The following COL4A3 variants were observed in gnomAD, a reference collection of about 807,000 sequenced individuals.
The protein encoded by COL4A3 is collagen type IV alpha 3 chain.
In COL4A3, 135 loss-of-function variants were observed where a neutral mutation model predicts 217.4. The ratio of observed to expected loss-of-function variants is 0.62; its 90% CI spans 0.54 to 0.72. The LOEUF (loss-of-function observed/expected upper bound fraction) is 0.72, where lower values mean the gene tolerates loss of function less well. COL4A3 is among the 30% of genes least tolerant of loss of function. The probability of loss-of-function intolerance (pLI) is 0.00; values close to 1 mark genes in which losing one functional copy is unlikely to be tolerated. For missense variants in COL4A3, 1,868 were observed against 2,119.9 expected, an observed-to-expected ratio of 0.88 and a Z score of 2.33; for synonymous variants, 690 against 736.3, an observed-to-expected ratio of 0.94 and a Z score of 1.02.
intron 44 of COL4A3, 144 bp downstream of exon 44, chr2:227,303,254 T>C: frequency 1.4e-6 from 1 of 698,924 alleles, no homozygotes; most frequent in East Asian, 2.7e-5. Context: ...AAGGCTCCAC[T>C]ACACTATTTC....
intron 41 of COL4A3, chr2:227,296,667 T>C: frequency 8.4e-6 from 2 of 239,004 alleles, no homozygotes; most frequent in Non-Finnish European, 1.4e-5. Flanking sequence ...AAATACAGTA[T>C]TACAAAGCTT....
Position 227,282,155 on chromosome 2 carries a change from C to T in COL4A3, c.2489-210C>T, listed in dbSNP as rs937613874. Among the ~76,000 whole-genome samples, 1 of 151,792 alleles carries T rather than the reference C, an allele frequency of 6.6e-6. No homozygotes were observed. Among genetic ancestry groups the T allele is most frequent in the Non-Finnish European group, 1.5e-5 (1 of 67,972 alleles). On this transcript the variant is annotated intron_variant, in intron 31 of 51. Transcript: ENST00000396578. The surrounding 1 kb of genome is among the most constrained non-coding windows in gnomAD (Gnocchi z 4.4). ...TGCATTATGGTGCACGCCTGTAGTC[C>T]CAGCTATTTGGGAGGCTGACGCAGG... is the stretch of plus-strand genomic sequence containing the variant.
Position 227,309,206 on chromosome 2 carries a change from G to A in COL4A3, c.4643G>A (p.Cys1548Tyr), listed in dbSNP as rs745466617. ...GRALEPYISR[C>Y]TVCEGPAIAI... ...ATAGTCTTTGTTTCATGTTACAGATGCACTGTTTGTGAAGGTCCTGCGATC... is the reference window on the plus strand; with the variant it reads ...ATAGTCTTTGTTTCATGTTACAGATACACTGTTTGTGAAGGTCCTGCGATC... The change falls in exon 50 of 52, where the codon TGC becomes TAC. Residue 1548 changes from cysteine to tyrosine, a missense_variant and splice_region_variant. Transcript: ENST00000396578. The A allele has an allele frequency of 2.5e-6, 4 of 1,614,100 alleles. No individual in the cohort carries two copies. In the Admixed American group the frequency reaches 6.7e-5, roughly 27 times the overall value.
Position 227,277,334 on chromosome 2 carries a change from A to C in COL4A3, c.2021-115A>C, listed in dbSNP as rs1246166688. On this transcript the variant is annotated intron_variant, in intron 27 of 51. Coordinates refer to ENST00000396578, the MANE Select transcript of COL4A3 (RefSeq NM_000091.5). ...ACTCCATCAACAGGAAAAAAAAAAA[A>C]AAAAAACAATGTGCAAAAGGGATAG... The C allele has an allele frequency of 6.8e-6, 5 of 737,800 alleles. No individual in the cohort carries two copies. In the East Asian group the frequency reaches 1.4e-4, roughly 20 times the overall value. The allele number at this position is 737,800 out of a possible 1,614,324, so 45.7% of individuals were successfully genotyped here.
chr2:227,210,352 A>T (rs969279911), intron 1 of COL4A3, among the ~76,000 whole-genome samples: 3 of 152,216 alleles, frequency 2.0e-5, no homozygotes, highest in African/African-American at 7.2e-5. Flanking sequence ...GCACTTTGGG[A>T]TGCCAACGCA....
intron 1 of COL4A3, among the ~76,000 whole-genome samples, chr2:227,214,917 A>G (rs982607947): frequency 6.6e-6 from 1 of 152,202 alleles, no homozygotes; most frequent in Non-Finnish European, 1.5e-5. Context: ...TGCAAAGGGC[A>G]CTACTTACCA....
intron 1 of COL4A3, among the ~76,000 whole-genome samples, chr2:227,200,130 C>A (rs761831652): frequency 9.9e-5 from 15 of 152,132 alleles, no homozygotes; most frequent in Non-Finnish European, 1.8e-4. Flanking sequence ...CTGACTGTCA[C>A]CCCACCATCT....
At position 227,280,870 on chromosome 2, in the gene COL4A3, T is replaced by C. The variant is rs184699429; in HGVS notation, c.2375-23T>C. 9.3e-6 allele frequency: 14 copies of C among 1,501,036 alleles called. No individual in the cohort carries two copies. The African/African-American group carries it at 1.4e-4, about 15-fold the overall frequency. The allele number at this position is 1,501,036 out of a possible 1,614,324, so 93.0% of individuals were successfully genotyped here. ...GACCTTAAGTTCTAGCACCTGGGTA[T>C]ATACTTGTGCTTTCTTTTGCAGGAG... On this transcript the variant is annotated intron_variant, in intron 30 of 51. Transcript: ENST00000396578.
chr2:227,293,693 G>T (rs182666311), intron 38 of COL4A3: 21 of 480,742 alleles, frequency 4.4e-5, no homozygotes, highest in Middle Eastern at 3.2e-4. Context: ...TAGCCAAAAG[G>T]CTGAGAAGTG....
intron 3 of COL4A3, 88 bp from the exon 4 acceptor site, chr2:227,244,232 T>C: frequency 1.9e-6 from 2 of 1,042,918 alleles, no homozygotes; most frequent in Admixed American, 1.7e-5. Flanking sequence ...CAGCTTGGCA[T>C]GTGACTGAGA....
chr2:227,237,176 C>T (rs1161235370), intron 1 of COL4A3, among the ~76,000 whole-genome samples: 1 of 152,046 alleles, frequency 6.6e-6, no homozygotes, highest in South Asian at 2.1e-4. Flanking sequence ...TAAGAAAGAA[C>T]ATTCTGTTGT....
At position 227,250,939 on chromosome 2, in the gene COL4A3, G is replaced by T. The variant is rs2069704707; in HGVS notation, c.547-201G>T. On this transcript the variant is annotated intron_variant, in intron 9 of 51. Coordinates refer to ENST00000396578, the MANE Select transcript of COL4A3 (RefSeq NM_000091.5). This position sits in a 1 kb window ranked among gnomAD's most constrained non-coding sequence, Gnocchi z 4.1. The stretch of plus-strand genomic sequence containing the variant: ...CAACTACTTTGGTCATTTTAGAAAT[G>T]TTATCGTCCAGTTGGTCCTGCCAGC... 6.6e-6 allele frequency among the ~76,000 whole-genome samples: 1 copy of T among 152,210 alleles called. No homozygotes were observed. The highest frequency in any genetic ancestry group is 2.4e-5 in the African/African-American group (1 of 41,456).
intron 1 of COL4A3, among the ~76,000 whole-genome samples, chr2:227,181,463 T>C (rs1306771872): frequency 6.6e-6 from 1 of 152,256 alleles, no homozygotes; most frequent in African/African-American, 2.4e-5. Context: ...ATAACTATTC[T>C]TTATACACAG....
At chr2:227,167,742 T>G (rs1224692525) in intron 1 of COL4A3, among the ~76,000 whole-genome samples, 1 of 152,148 alleles carries the variant, frequency 6.6e-6, no homozygotes. Flanking sequence ...TATCTATCCC[T>G]GAGATTAAGC....
chr2:227,179,523 G>T (rs1281769072), intron 1 of COL4A3, among the ~76,000 whole-genome samples: 1 of 152,074 alleles, frequency 6.6e-6, no homozygotes, highest in Non-Finnish European at 1.5e-5. Flanking sequence ...CATCTTTGTG[G>T]TTCGAGCTCT....
intron 29 of COL4A3, among the ~76,000 whole-genome samples, chr2:227,280,097 C>T (rs193206101): frequency 1.4e-4 from 22 of 152,256 alleles, no homozygotes; most frequent in Admixed American, 7.2e-4. Context: ...CAGATTTCAT[C>T]GTGATATCAT....
chr2:227,175,519 G>T (rs942742559), intron 1 of COL4A3, among the ~76,000 whole-genome samples: 1 of 152,060 alleles, frequency 6.6e-6, no homozygotes, highest in African/African-American at 2.4e-5. Context: ...TTGAAATAAA[G>T]AAATAACATG....
At chr2:227,291,129 G>A in intron 37 of COL4A3, 2 of 492,786 alleles carry the variant, frequency 4.1e-6, no homozygotes, top group South Asian at 4.1e-5. Context: ...CTGCAATTTA[G>A]GTGTGCTGCC....
In COL4A3 at chr2:227,303,113, A is replaced by G; in HGVS notation, c.3955+3A>G. ...CCAGGGGTTTCCAGGCGTGAAAGGT[A>G]CTGTTTTTGTGCATTGCTCTTTATA... On this transcript the variant is annotated splice_donor_region_variant and intron_variant, in intron 44 of 51. Transcript: ENST00000396578. 6.2e-7 allele frequency: 1 copy of G among 1,613,124 alleles called. No homozygotes were observed. Among genetic ancestry groups the G allele is most frequent in the Non-Finnish European group, 8.5e-7 (1 of 1,179,098 alleles).
Sources: allele counts gnomAD v4.1 joint callset (sites outside exome capture counted in the v4.1 genomes callset), GRCh38; gene constraint gnomAD v4.1.1; non-coding constraint Gnocchi (gnomAD v3.1); transcripts MANE v1.5; gene names NCBI Gene and HGNC (gene_info 2026-07-23, HGNC 2026-07-21).